EPG5: variants seen among roughly 807,000 people sequenced by gnomAD.
EPG5 encodes ectopic P granules protein 5 homolog.
A neutral mutation model predicts 302.7 loss-of-function variants in EPG5; 159 were observed. The observed-to-expected ratio is 0.53, with a 90% CI of 0.46 to 0.60. EPG5 has a LOEUF of 0.60. Among genes scored for constraint, EPG5 ranks in the 20% least tolerant of loss-of-function variants. The pLI, the probability that EPG5 is intolerant of heterozygous loss-of-function variation, is 0.00. For missense variants in EPG5, 2,896 were observed against 3,092.4 expected (o/e 0.94, Z 1.51); for synonymous variants, 1,158 against 1,136.8 (o/e 1.02, Z -0.37).
In EPG5 at chr18:45,954,965, G is replaced by A. The variant is rs368719987; in HGVS notation, c.437C>T (p.Ser146Leu). ...KNFTEVEENM[S>L]VQGGLSESAP... ...ACTTTCTGAAAGTCCACCTTGTACC[G>A]ACATATTTTCCTCTACCTCTGTGAA... The change falls in exon 2 of 44, where the codon TCG becomes TTG. Residue 146 changes from serine (S) to leucine (L), a missense_variant. Physicochemically the swap from Ser to Leu is moderately radical, Grantham distance 145 (BLOSUM62 -2). Around this residue, in one of 5 missense-constraint regions of EPG5, gnomAD observed 1,390 missense variants for 1,430.0 expected, o/e 0.97. Coordinates refer to ENST00000282041, the MANE Select transcript of EPG5 (RefSeq NM_020964.3). 4.3e-6 allele frequency: 7 copies of A among 1,613,864 alleles called. No homozygotes were observed. The highest frequency in any genetic ancestry group is 5.9e-6 in the Non-Finnish European group (7 of 1,179,960).
At chr18:45,891,612 T>C (rs894313749) in intron 27 of EPG5, among the ~76,000 whole-genome samples, 3 of 152,180 alleles carry the variant, frequency 2.0e-5, no homozygotes, top group Non-Finnish European at 4.4e-5. Context: ...AACTATTTTT[T>C]ATGACTGTGA....
chr18:45,895,375 C>T (rs897129952), intron 27 of EPG5, among the ~76,000 whole-genome samples: 1 of 152,152 alleles, frequency 6.6e-6, no homozygotes, highest in African/African-American at 2.4e-5. Flanking sequence ...GGATTATCAA[C>T]ATATGAGTAA....
In EPG5 at chr18:45,934,854, G is replaced by A. The variant is rs908280606; in HGVS notation, c.2212C>T (p.Leu738Phe). The change falls in exon 11 of 44, where the codon CTC becomes TTC. Residue 738 changes from leucine (L) to phenylalanine (F), a missense_variant. Coordinates refer to ENST00000282041, the MANE Select transcript of EPG5 (RefSeq NM_020964.3). ...TGGGCGGGCTGCAGGGAGGAGGAGA[G>A]CTGCTGCAGGTTCTCGCTCTCCACC... Reference protein sequence around the residue: ...HQVESENLQQLSSSLQPAQCK... With the variant: ...HQVESENLQQFSSSLQPAQCK... The A allele has an allele frequency of 6.2e-7, 1 of 1,614,154 alleles. No individual in the cohort carries two copies. The highest frequency in any genetic ancestry group is 8.5e-7 in the Non-Finnish European group (1 of 1,180,022).
intron 29 of EPG5, among the ~76,000 whole-genome samples, chr18:45,885,785 G>GT (rs948502508): frequency 4.4e-4 from 67 of 152,132 alleles, no homozygotes; most frequent in African/African-American, 1.5e-3. Context: ...CTGGAAAAAT[G>GT]TTTTTTTAAC....
the EPG5 span, among the ~76,000 whole-genome samples, chr18:45,814,563 T>C: frequency 6.6e-6 from 1 of 152,186 alleles, no homozygotes; most frequent in African/African-American, 2.4e-5. Context: ...AGTTATTATG[T>C]AAGAGAAAGT....
intron 9 of EPG5, 91 bp from the exon 10 acceptor site, chr18:45,939,846 T>C: frequency 2.4e-6 from 3 of 1,229,906 alleles, no homozygotes; most frequent in East Asian, 2.5e-5. Context: ...ATTCAACACA[T>C]ATTTATTGAG....
At chr18:45,868,482 T>C (rs761059229) in intron 36 of EPG5, among the ~76,000 whole-genome samples, 2 of 151,700 alleles carry the variant, frequency 1.3e-5, no homozygotes, top group Non-Finnish European at 2.9e-5. Flanking sequence ...GGATTACAGG[T>C]GCCTGCCACC....
rs34187496 is a variant in EPG5, at chr18:45,912,460, CA to C, written c.3817-5del. 1 of 1,583,220 alleles carries C rather than the reference CA, an allele frequency of 6.3e-7. No homozygotes were observed. The highest frequency in any genetic ancestry group is 8.5e-7 in the Non-Finnish European group (1 of 1,170,218). ...GCTTCAGCTGGGTCTGGGCTTTCTA[CA>C]AAAAAGAAAGGGCTTTGAGTAGCCA... On this transcript the variant is annotated splice_polypyrimidine_tract_variant and splice_region_variant and intron_variant, in intron 21 of 43. Transcript: ENST00000282041.
At chr18:45,966,254 C>A (rs1429085461) in intron 1 of EPG5, among the ~76,000 whole-genome samples, 1 of 150,708 alleles carries the variant, frequency 6.6e-6, no homozygotes, top group Non-Finnish European at 1.5e-5. Flanking sequence ...CGCCTGTAGT[C>A]CCAGCTACTC....
Position 45,867,587 on chromosome 18 carries a change from C to G in EPG5, c.6387G>C (p.Lys2129Asn). Residue 2129 changes from lysine to asparagine, a missense_variant, in exon 37 of 44, where the codon AAG becomes AAC. Transcript: ENST00000282041. ...CLLFMMILLA[K>N]EVQLVDQTDS... ...CTGTTTGGTCTACCAGTTGAACTTC[C>G]TTTGCCAATAAAATCATCATGAAAA... is the stretch of plus-strand genomic sequence containing the variant. 6.2e-7 allele frequency: 1 copy of G among 1,614,016 alleles called. No homozygotes were observed. Among genetic ancestry groups the G allele is most frequent in the Non-Finnish European group, 8.5e-7 (1 of 1,179,982 alleles).
intron 5 of EPG5, 43 bp downstream of exon 5, chr18:45,949,441 C>G (rs774975395): frequency 2.5e-6 from 3 of 1,187,830 alleles, no homozygotes; most frequent in Non-Finnish European, 3.6e-6. Context: ...TCTAATAAAA[C>G]CTCTCCCCCA....
intron 24 of EPG5, among the ~76,000 whole-genome samples, chr18:45,906,562 T>C (rs984540545): frequency 2.0e-5 from 3 of 152,136 alleles, no homozygotes; most frequent in African/African-American, 7.2e-5. Context: ...TTGTCCTTCA[T>C]GGCTCAGCTC....
chr18:45,858,590 T>C lies in EPG5; in HGVS notation c.7202A>G (p.Lys2401Arg), dbSNP rs137887553. The C allele has an allele frequency of 4.7e-5, 76 of 1,614,218 alleles. No individual in the cohort carries two copies. The highest frequency in any genetic ancestry group is 1.6e-4 in the Middle Eastern group (1 of 6,062). ...CCTTGGGTACACCTGTTCCAGCCAC[T>C]TGCTTAAGATGAGCAGCACTTTCAT... ...NEMKVLLILS[K>R]WLEQVYPSSV... Residue 2401 changes from lysine (K) to arginine (R), a missense_variant, in exon 41 of 44, where the codon AAG (lysine) becomes AGG (arginine). Lys to Arg is a conservative substitution (Grantham distance 26). Around this residue, in one of 5 missense-constraint regions of EPG5, gnomAD observed 620 missense variants for 704.2 expected, o/e 0.88. Transcript: ENST00000282041.
At chr18:45,868,871 T>C (rs1457062060) in intron 36 of EPG5, among the ~76,000 whole-genome samples, 2 of 151,182 alleles carry the variant, frequency 1.3e-5, no homozygotes, top group African/African-American at 4.9e-5. Context: ...CTGGCTAACA[T>C]GGTGAAACCT....
intron 28 of EPG5, among the ~76,000 whole-genome samples, chr18:45,889,567 C>A (rs922628296): frequency 6.6e-6 from 1 of 152,104 alleles, no homozygotes; most frequent in African/African-American, 2.4e-5. Flanking sequence ...CCTTCTGCTG[C>A]AGCATAAAAG....
intron 33 of EPG5, 115 bp from the exon 34 acceptor site, chr18:45,878,563 AATGT>A: frequency 1.5e-6 from 1 of 678,294 alleles, no homozygotes; most frequent in Non-Finnish European, 2.6e-6. Flanking sequence ...AACCTATGTT[AATGT>A]ATAAACAACA....
intron 34 of EPG5, among the ~76,000 whole-genome samples, chr18:45,876,911 G>A (rs1025132524): frequency 9.2e-5 from 14 of 151,942 alleles, no homozygotes; most frequent in Admixed American, 7.9e-4. Context: ...AGCCTCCCGA[G>A]CAACTGGGGT....
intron 14 of EPG5, 93 bp from the exon 15 acceptor site, chr18:45,923,480 A>T: frequency 2.2e-6 from 3 of 1,345,034 alleles, no homozygotes; most frequent in South Asian, 1.4e-5. Context: ...ATAGTAACAA[A>T]GGATCTTCGA....
At chr18:45,963,607 C>T (rs902470961) in intron 1 of EPG5, among the ~76,000 whole-genome samples, 20 of 152,080 alleles carry the variant, frequency 1.3e-4, no homozygotes, top group African/African-American at 4.8e-4. Context: ...TTCACTCCAG[C>T]CTGGGTGACA....
Sources: gnomAD v4.1 joint callset for allele counts (sites outside exome capture counted in the v4.1 genomes callset) on GRCh38, gnomAD v4.1.1 for gene constraint, gnomAD v4.1.1 regional missense constraint, MANE v1.5 for transcripts, NCBI Gene and HGNC (gene_info 2026-07-23, HGNC 2026-07-21) for gene names.